TNFAIP8: variants seen among roughly 807,000 people sequenced by gnomAD.
The protein encoded by TNFAIP8 is tumor necrosis factor alpha-induced protein 8.
In TNFAIP8, 7 loss-of-function variants were observed where a neutral mutation model predicts 13.3. The ratio of observed to expected loss-of-function variants is 0.52; its 90% CI spans 0.30 to 0.99. The LOEUF is 0.99. Ranked by LOEUF, TNFAIP8 falls within the 50% of genes least tolerant of loss-of-function variation. TNFAIP8 has a pLI of 0.07. For synonymous variants in TNFAIP8, 94 were observed against 87.6 expected (o/e 1.07, Z -0.41); for missense variants, 258 against 236.9 (o/e 1.09, Z -0.58).
intron 1 of TNFAIP8, among the ~76,000 whole-genome samples, chr5:119,284,734 T>C (rs773828688): frequency 1.3e-5 from 2 of 151,998 alleles, no homozygotes; most frequent in Non-Finnish European, 1.5e-5. Flanking sequence ...TCTCACAGCC[T>C]GAGTAGCCCC....
At chr5:119,376,087 G>GA (rs1388396234) in intron 1 of TNFAIP8, among the ~76,000 whole-genome samples, 6 of 151,346 alleles carry the variant, frequency 4.0e-5, no homozygotes, top group African/African-American at 1.2e-4. Flanking sequence ...AAATTAAAAT[G>GA]AAAAAATATA....
At chr5:119,338,635 T>A (rs1750637966) in intron 1 of TNFAIP8, among the ~76,000 whole-genome samples, 1 of 152,232 alleles carries the variant, frequency 6.6e-6, no homozygotes, top group Admixed American at 6.5e-5. Flanking sequence ...GTGTTGGGAA[T>A]GTTGTAAAGC....
intron 1 of TNFAIP8, among the ~76,000 whole-genome samples, chr5:119,325,787 T>G (rs917089425): frequency 6.6e-6 from 1 of 152,148 alleles, no homozygotes; most frequent in Non-Finnish European, 1.5e-5. Context: ...CTTGCTTCCG[T>G]CACTGTAGCC....
At chr5:119,372,431 A>G (rs1049085152) in intron 1 of TNFAIP8, among the ~76,000 whole-genome samples, 3 of 152,144 alleles carry the variant, frequency 2.0e-5, no homozygotes, top group African/African-American at 7.2e-5. Context: ...TATTTATAAG[A>G]ACTTATAAAA....
Position 119,392,837 on chromosome 5 carries a change from C to G in TNFAIP8, c.53C>G (p.Ser18Cys). The G allele has an allele frequency of 6.5e-7, 1 of 1,545,646 alleles. No homozygotes were observed. The highest frequency in any genetic ancestry group is 1.4e-5 in the African/African-American group (1 of 72,048). ...TTAGTGGCCACAGATGTCTTTAATT[C>G]CAAAAACCTGGCCGTTCAGGCACAA... Reference protein sequence around the residue: ...SKEVATDVFNSKNLAVQAQKK... With the variant: ...SKEVATDVFNCKNLAVQAQKK... The change falls in exon 2 of 2, where the codon TCC (serine) becomes TGC (cysteine). Residue 18 changes from serine (S) to cysteine (C), a missense_variant. By Grantham distance (112) the Ser-to-Cys change is moderately radical. Transcript: ENST00000504771.
rs1041909822 is a variant in TNFAIP8 at position 119,390,662 on chromosome 5, C to A, written c.32-2154C>A. ...ATTTGTGAGGGGACCCTTTCTTATT[C>A]AATCAAGACATTCTTTGAGTGGATG... is the stretch of plus-strand genomic sequence containing the variant. On this transcript the variant is annotated intron_variant, in intron 1 of 1. Transcript: ENST00000504771. 4.6e-5 allele frequency among the ~76,000 whole-genome samples: 7 copies of A among 152,186 alleles called. No homozygotes were observed. In the East Asian group the frequency reaches 1.2e-3, roughly 25 times the overall value.
In TNFAIP8 at chr5:119,356,100, G is replaced by C; in HGVS notation, c.10G>C (p.Glu4Gln). MHS[E>Q]AEESKEVATD... Reference sequence around the variant, plus strand: ...TGGTTATCCTGACATTATGCACTCCGAAGCAGAAGAATCCAAGGAAGGTAG... The same window carrying C: ...TGGTTATCCTGACATTATGCACTCCCAAGCAGAAGAATCCAAGGAAGGTAG... The change falls in exon 1 of 2, where the codon GAA becomes CAA. Residue 4 changes from glutamate to glutamine, a missense_variant. Coordinates refer to ENST00000504771, the MANE Select transcript of TNFAIP8 (RefSeq NM_014350.4). 2 of 1,587,524 alleles carry C rather than the reference G, an allele frequency of 1.3e-6. No homozygotes were observed. Among genetic ancestry groups the C allele is most frequent in the Non-Finnish European group, 1.7e-6 (2 of 1,165,040 alleles).
At chr5:119,330,109 C>A (rs551327770) in intron 1 of TNFAIP8, among the ~76,000 whole-genome samples, 1 of 152,050 alleles carries the variant, frequency 6.6e-6, no homozygotes, top group South Asian at 2.1e-4. Flanking sequence ...TTAGGCACGC[C>A]ATTGAAAGAG....
chr5:119,287,280 G>GTTTTTTTTTT (rs58452491), intron 1 of TNFAIP8, among the ~76,000 whole-genome samples: 3 of 109,234 alleles, frequency 2.7e-5, no homozygotes, highest in African/African-American at 6.8e-5. Flanking sequence ...CAGTAACCAA[G>GTTTTTTTTTT]TTTTTTTTTT....
chr5:119,355,681 T>C (rs1025814203), upstream of TNFAIP8: 1 of 348,150 alleles, frequency 2.9e-6, no homozygotes, highest in African/African-American at 2.1e-5. Flanking sequence ...GATGAGACTT[T>C]TTTTTTCTTT....
intron 1 of TNFAIP8, among the ~76,000 whole-genome samples, chr5:119,337,138 G>GCTTGTGGAGAGAACT (rs558179065): frequency 3.4e-4 from 52 of 152,324 alleles, no homozygotes; most frequent in African/African-American, 1.2e-3. Flanking sequence ...TGAAATATTT[G>GCTTGTGGAGAGAACT]CTTGTGGAGA....
intron 1 of TNFAIP8, among the ~76,000 whole-genome samples, chr5:119,281,029 G>T (rs1045362691): frequency 6.6e-6 from 1 of 152,052 alleles, no homozygotes; most frequent in African/African-American, 2.4e-5. Flanking sequence ...AGCCTCTTCA[G>T]TTGGCCCCTA....
At chr5:119,269,592 A>T (rs1748210501) in intron 1 of TNFAIP8, among the ~76,000 whole-genome samples, 1 of 152,234 alleles carries the variant, frequency 6.6e-6, no homozygotes, top group Non-Finnish European at 1.5e-5. Flanking sequence ...CAACAGGCTT[A>T]GGCACCTTGA....
At chr5:119,273,382 C>T (rs1434842750) in intron 1 of TNFAIP8, among the ~76,000 whole-genome samples, 1 of 152,200 alleles carries the variant, frequency 6.6e-6, no homozygotes, top group Non-Finnish European at 1.5e-5. Context: ...GTGATTTTAG[C>T]ATGAATTCTT....
Position 119,292,873 on chromosome 5 carries a change from G to T in TNFAIP8, c.1+23966G>T, listed in dbSNP as rs552604579. On this transcript the variant is annotated intron_variant, in intron 1 of 1. Coordinates refer to the TNFAIP8 transcript ENST00000274456. Reference sequence around the variant, plus strand: ...CGAATCTGTAAACAGCAAGTGATTAGTGGCTGCCTGAGGCTGAAGTAAGAA... The same window carrying T: ...CGAATCTGTAAACAGCAAGTGATTATTGGCTGCCTGAGGCTGAAGTAAGAA... Among the ~76,000 whole-genome samples, 325 of 151,776 alleles carry T rather than the reference G, an allele frequency of 2.1e-3. 1 individual carries two copies. Among genetic ancestry groups the T allele is most frequent in the African/African-American group, 7.0e-3 (289 of 41,426 alleles).
chr5:119,363,681 C>A (rs1751717634), intron 1 of TNFAIP8, among the ~76,000 whole-genome samples: 1 of 152,234 alleles, frequency 6.6e-6, no homozygotes, highest in South Asian at 2.1e-4. Flanking sequence ...GTCTTTCTTA[C>A]ACCAACCAGT....
At chr5:119,309,554 C>G (rs1749668997) in intron 1 of TNFAIP8, among the ~76,000 whole-genome samples, 1 of 152,112 alleles carries the variant, frequency 6.6e-6, no homozygotes, top group African/African-American at 2.4e-5. Context: ...AGATGGCTCT[C>G]AAGACTATAA....
chr5:119,303,065 T>C (rs1347455835), intron 1 of TNFAIP8, among the ~76,000 whole-genome samples: 1 of 152,154 alleles, frequency 6.6e-6, no homozygotes, highest in Non-Finnish European at 1.5e-5. Context: ...AAGACTCCCT[T>C]CATGTGCCTA....
At chr5:119,372,091 C>G (rs1475217447) in intron 1 of TNFAIP8, among the ~76,000 whole-genome samples, 2 of 151,268 alleles carry the variant, frequency 1.3e-5, no homozygotes, top group Non-Finnish European at 3.0e-5. Context: ...GAGCCGAGAT[C>G]GCGCCATGGC....
Sources: gnomAD v4.1 joint callset for allele counts (sites outside exome capture counted in the v4.1 genomes callset) on GRCh38, gnomAD v4.1.1 for gene constraint, MANE v1.5 for transcripts, NCBI Gene and HGNC (gene_info 2026-07-23, HGNC 2026-07-21) for gene names.